CNTN5: variants seen among roughly 807,000 people sequenced by gnomAD.
The protein encoded by CNTN5 is contactin 5.
In CNTN5, 77 loss-of-function variants were observed where a neutral mutation model predicts 129.1. That is an observed-to-expected ratio of 0.60 (90% CI 0.50 to 0.72). The LOEUF is 0.72. CNTN5 is among the 30% of genes least tolerant of loss of function. CNTN5 has a pLI of 0.00. For missense variants in CNTN5, 1,478 were observed against 1,328.8 expected (o/e 1.11, Z -1.75); for synonymous variants, 509 against 465.6 (o/e 1.09, Z -1.20).
intron 21 of CNTN5, among the ~76,000 whole-genome samples, chr11:100,327,317 C>A (rs753010277): frequency 6.6e-6 from 1 of 152,180 alleles, no homozygotes; most frequent in Non-Finnish European, 1.5e-5. Context: ...TCAAGTGCAC[C>A]ACACACGGAT....
intron 2 of CNTN5, among the ~76,000 whole-genome samples, chr11:99,410,312 T>C (rs1229492853): frequency 6.6e-6 from 1 of 152,214 alleles, no homozygotes; most frequent in East Asian, 1.9e-4. Context: ...CTTTGCAATT[T>C]GTAGAAGAAC....
chr11:99,040,331 TTAAG>T (rs1863938933), intron 1 of CNTN5, among the ~76,000 whole-genome samples: 1 of 152,158 alleles, frequency 6.6e-6, no homozygotes, highest in Non-Finnish European at 1.5e-5. Flanking sequence ...AATGTGTAGC[TTAAG>T]TAAGTCACAG....
At chr11:100,333,694 C>G (rs1178712418) in intron 21 of CNTN5, among the ~76,000 whole-genome samples, 1 of 152,104 alleles carries the variant, frequency 6.6e-6, no homozygotes, top group Non-Finnish European at 1.5e-5. Context: ...AAAGGACACC[C>G]ATTTCAACAA....
rs1028903331 is a variant in CNTN5 at position 99,221,551 on chromosome 11, T to C, written c.-209-103795T>C. Among the ~76,000 whole-genome samples, 3 of 151,906 alleles carry C rather than the reference T, an allele frequency of 2.0e-5. 1 individual carries two copies. In the South Asian group the frequency reaches 6.2e-4, roughly 31 times the overall value. ...AGAACAGATTTTCAGTTTATTCCCCTGATGGAAAAAAATGTTAATAGATAT... is the reference window on the plus strand; with the variant it reads ...AGAACAGATTTTCAGTTTATTCCCCCGATGGAAAAAAATGTTAATAGATAT... On this transcript the variant is annotated intron_variant, in intron 1 of 24. Coordinates refer to ENST00000524871, the MANE Select transcript of CNTN5 (RefSeq NM_014361.4).
chr11:100,333,000 A>G (rs1038964518), intron 21 of CNTN5, among the ~76,000 whole-genome samples: 4 of 152,158 alleles, frequency 2.6e-5, no homozygotes, highest in Non-Finnish European at 5.9e-5. Flanking sequence ...GAGGAAGTCA[A>G]ACTGTCACTG....
intron 3 of CNTN5, among the ~76,000 whole-genome samples, chr11:99,793,495 TG>T (rs1432146256): frequency 1.3e-5 from 2 of 152,222 alleles, no homozygotes; most frequent in African/African-American, 4.8e-5. Context: ...GATTTGCTGT[TG>T]TACTTCTAGT....
At chr11:100,321,871 C>G (rs767298331) in intron 21 of CNTN5, among the ~76,000 whole-genome samples, 19 of 152,142 alleles carry the variant, frequency 1.2e-4, no homozygotes, top group Admixed American at 3.3e-4. Context: ...AAATATTAAA[C>G]CATCCTTACA....
intron 2 of CNTN5, among the ~76,000 whole-genome samples, chr11:99,485,716 C>T (rs547819094): frequency 6.6e-6 from 1 of 151,828 alleles, no homozygotes; most frequent in South Asian, 2.1e-4. Flanking sequence ...CAAAAAAAAC[C>T]CCTGAATTTC....
chr11:100,348,432 T>TG (rs1175605022), intron 23 of CNTN5, among the ~76,000 whole-genome samples: 1 of 152,074 alleles, frequency 6.6e-6, no homozygotes, highest in Non-Finnish European at 1.5e-5. Flanking sequence ...CACCACTAAC[T>TG]GATTTTTTCC....
chr11:99,726,361 T>C (rs1943338464), intron 3 of CNTN5, among the ~76,000 whole-genome samples: 1 of 152,236 alleles, frequency 6.6e-6, no homozygotes, highest in South Asian at 2.1e-4. Flanking sequence ...GGCTCTGTTA[T>C]GTTTACCCCA....
At chr11:99,957,708 C>A (rs1056282307) in intron 8 of CNTN5, among the ~76,000 whole-genome samples, 2 of 152,018 alleles carry the variant, frequency 1.3e-5, no homozygotes, top group Non-Finnish European at 1.5e-5. Flanking sequence ...GCATGAGAAT[C>A]CTGGTTGATT....
intron 7 of CNTN5, among the ~76,000 whole-genome samples, chr11:99,918,057 C>T (rs1949840107): frequency 6.6e-6 from 1 of 152,084 alleles, no homozygotes; most frequent in African/African-American, 2.4e-5. Context: ...TTCTACTCAC[C>T]CCTTTAGTAC....
At chr11:99,953,159 T>A (rs1309644492) in intron 7 of CNTN5, among the ~76,000 whole-genome samples, 1 of 151,190 alleles carries the variant, frequency 6.6e-6, no homozygotes, top group East Asian at 1.9e-4. Context: ...ATTCTCACAC[T>A]TTTTTTTTGT....
At chr11:99,226,067 A>G (rs1413856513) in intron 1 of CNTN5, among the ~76,000 whole-genome samples, 1 of 152,214 alleles carries the variant, frequency 6.6e-6, no homozygotes, top group Non-Finnish European at 1.5e-5. Flanking sequence ...CTTACAAACT[A>G]TTAAGCAAAT....
chr11:100,169,298 T>C (rs1947752100), intron 13 of CNTN5, among the ~76,000 whole-genome samples: 1 of 152,016 alleles, frequency 6.6e-6, no homozygotes. Flanking sequence ...AGAGAAATCT[T>C]TCATGAAAGG....
intron 13 of CNTN5, among the ~76,000 whole-genome samples, chr11:100,166,812 A>G (rs1313854073): frequency 6.6e-6 from 1 of 151,874 alleles, no homozygotes; most frequent in Non-Finnish European, 1.5e-5. Context: ...AGATATCTAA[A>G]TTAAAAAGGC....
At chr11:100,129,869 G>T (rs528588824) in intron 13 of CNTN5, among the ~76,000 whole-genome samples, 7 of 151,608 alleles carry the variant, frequency 4.6e-5, no homozygotes, top group African/African-American at 1.7e-4. Flanking sequence ...TATTAATCAG[G>T]TTAAAAAAAC....
rs565214876 is a variant in CNTN5, at chr11:99,385,903, A to G, written c.-71+60419A>G. 2.0e-5 allele frequency among the ~76,000 whole-genome samples: 3 copies of G among 152,328 alleles called. No individual in the cohort carries two copies. In the South Asian group the frequency reaches 6.2e-4, roughly 32 times the overall value. ...TTCCTCATGTTGTCAAAATGACTACATAAATTTGAAACCCCATTCATAGCT... is the reference window on the plus strand; with the variant it reads ...TTCCTCATGTTGTCAAAATGACTACGTAAATTTGAAACCCCATTCATAGCT... On this transcript the variant is annotated intron_variant, in intron 2 of 24. Transcript: ENST00000524871.
chr11:99,230,825 A>C (rs569069084), intron 1 of CNTN5, among the ~76,000 whole-genome samples: 2 of 152,104 alleles, frequency 1.3e-5, no homozygotes, highest in South Asian at 4.2e-4. Context: ...ACCCCCTGAC[A>C]AGCCCCAGTG....
Sources: gnomAD v4.1 joint callset for allele counts (sites outside exome capture counted in the v4.1 genomes callset) on GRCh38, gnomAD v4.1.1 for gene constraint, MANE v1.5 for transcripts, NCBI Gene and HGNC (gene_info 2026-07-23, HGNC 2026-07-21) for gene names.